TSPAN9: variants seen among roughly 807,000 people sequenced by gnomAD.
TSPAN9 encodes the protein tetraspanin-9.
TSPAN9 carries 16 observed loss-of-function variants against 31.0 expected under a neutral mutation model. The ratio of observed to expected loss-of-function variants is 0.52; its 90% CI spans 0.35 to 0.78. TSPAN9 has a LOEUF of 0.78. Among genes scored for constraint, TSPAN9 ranks in the 30% least tolerant of loss-of-function variants. TSPAN9 has a pLI of 0.01. For synonymous variants in TSPAN9, 145 were observed against 121.6 expected (o/e 1.19, Z -1.27); for missense variants, 272 against 312.5 (o/e 0.87, Z 0.98).
In TSPAN9 at chr12:3,147,601, G is replaced by T. The variant is rs1308025209; in HGVS notation, c.-17-53576G>T. Among the ~76,000 whole-genome samples the T allele has an allele frequency of 4.6e-5, 7 of 152,200 alleles. No homozygotes were observed. Among genetic ancestry groups the T allele is most frequent in the Admixed American group, 4.6e-4 (7 of 15,280 alleles). On this transcript the variant is annotated intron_variant, in intron 2 of 8. Coordinates refer to ENST00000011898, the MANE Select transcript of TSPAN9 (RefSeq NM_006675.5). This position sits in a 1 kb window ranked among gnomAD's most constrained non-coding sequence, Gnocchi z 4.3. Reference sequence around the variant, plus strand: ...AGTGCTGCAACGATGGAAGTGTTCTGTTCTGTACCGCCCAGTACAGTAGCC... The same window carrying T: ...AGTGCTGCAACGATGGAAGTGTTCTTTTCTGTACCGCCCAGTACAGTAGCC...
intron 2 of TSPAN9, among the ~76,000 whole-genome samples, chr12:3,138,632 CAA>C (rs11295678): frequency 6.7e-6 from 1 of 149,840 alleles, no homozygotes; most frequent in Non-Finnish European, 1.5e-5. Context: ...ATCCGCCATA[CAA>C]AAAAAAAAAA....
intron 2 of TSPAN9, among the ~76,000 whole-genome samples, chr12:3,086,438 T>C (rs1169824847): frequency 1.3e-5 from 2 of 152,168 alleles, no homozygotes; most frequent in Non-Finnish European, 2.9e-5. Context: ...TGGCTGGAAA[T>C]TGATGATACT....
intron 2 of TSPAN9, among the ~76,000 whole-genome samples, chr12:3,089,568 T>G (rs192461254): frequency 3.9e-4 from 59 of 152,142 alleles, no homozygotes; most frequent in African/African-American, 1.4e-3. Flanking sequence ...GTGCTGGGAT[T>G]ACAGGTGTGA....
At chr12:3,243,641 G>T (rs531466751) in intron 3 of TSPAN9, among the ~76,000 whole-genome samples, 1 of 152,166 alleles carries the variant, frequency 6.6e-6, no homozygotes, top group African/African-American at 2.4e-5. Flanking sequence ...CCAGGCATCG[G>T]CCCTCCTGCT....
intron 2 of TSPAN9, among the ~76,000 whole-genome samples, chr12:3,113,864 C>T: frequency 6.6e-6 from 1 of 152,240 alleles, no homozygotes; most frequent in Non-Finnish European, 1.5e-5. Context: ...GAGGCAAGTC[C>T]TTCTGCAGGG....
At chr12:3,274,120 C>T (rs1157169349) in intron 3 of TSPAN9, among the ~76,000 whole-genome samples, 7 of 152,166 alleles carry the variant, frequency 4.6e-5, no homozygotes, top group Admixed American at 2.0e-4. Context: ...CTGTGCACTG[C>T]GGGGTGTTTG....
chr12:3,186,785 CCT>C (rs2098361659), intron 2 of TSPAN9, among the ~76,000 whole-genome samples: 1 of 152,152 alleles, frequency 6.6e-6, no homozygotes, highest in Non-Finnish European at 1.5e-5. Context: ...ACTCGTCCAG[CCT>C]CTGTTTCTAT....
chr12:3,275,517 C>T (rs1277941616), intron 3 of TSPAN9, among the ~76,000 whole-genome samples: 1 of 152,272 alleles, frequency 6.6e-6, no homozygotes, highest in Non-Finnish European at 1.5e-5. Context: ...AAAATTGAGA[C>T]GGCAGCATAG....
chr12:3,112,987 GT>G (rs1235166704), intron 2 of TSPAN9, among the ~76,000 whole-genome samples: 1 of 152,092 alleles, frequency 6.6e-6, no homozygotes, highest in African/African-American at 2.4e-5. Context: ...TGCCCAGCCT[GT>G]TTCCAGAAAT....
intron 2 of TSPAN9, among the ~76,000 whole-genome samples, chr12:3,186,142 G>T (rs1009760382): frequency 4.6e-5 from 7 of 152,182 alleles, no homozygotes; most frequent in Non-Finnish European, 5.9e-5. Context: ...CTAACTACAG[G>T]GCTCCCTCAC....
intron 2 of TSPAN9, among the ~76,000 whole-genome samples, chr12:3,140,229 C>T (rs968242429): frequency 1.3e-5 from 2 of 152,098 alleles, no homozygotes; most frequent in South Asian, 4.1e-4. Context: ...CTGGCCCTGA[C>T]ATTTTATGTT....
At chr12:3,139,901 G>C (rs1235860921) in intron 2 of TSPAN9, among the ~76,000 whole-genome samples, 1 of 152,186 alleles carries the variant, frequency 6.6e-6, no homozygotes, top group East Asian at 1.9e-4. Flanking sequence ...CCCTGCAGCT[G>C]ACCGTCAGGG....
At chr12:3,226,974 C>G (rs2098388169) in intron 3 of TSPAN9, among the ~76,000 whole-genome samples, 1 of 149,256 alleles carries the variant, frequency 6.7e-6, no homozygotes, top group South Asian at 2.2e-4. Context: ...TAGAGAGAGG[C>G]CAGGTTATCC....
intron 2 of TSPAN9, among the ~76,000 whole-genome samples, chr12:3,164,759 C>T (rs942071581): frequency 5.3e-5 from 8 of 152,182 alleles, no homozygotes; most frequent in East Asian, 1.9e-4. Flanking sequence ...TGAGCCTTCT[C>T]GGTATAGCAC....
chr12:3,171,576 C>T (rs4766058), intron 2 of TSPAN9: 145,152 of 152,302 alleles, frequency 0.95, 69,550 homozygotes, highest in East Asian at 1. Flanking sequence ...ATAAGATAAT[C>T]GAGTACTTGG....
intron 2 of TSPAN9, among the ~76,000 whole-genome samples, chr12:3,162,088 C>T (rs879672056): frequency 5.3e-5 from 8 of 152,018 alleles, no homozygotes; most frequent in East Asian, 3.9e-4. Flanking sequence ...TCCTCCCTGG[C>T]GAGTGAGTAC....
intron 2 of TSPAN9, among the ~76,000 whole-genome samples, chr12:3,133,271 G>C (rs952964462): frequency 6.6e-6 from 1 of 152,078 alleles, no homozygotes; most frequent in Non-Finnish European, 1.5e-5. Flanking sequence ...GCTCTGTCCC[G>C]GGAGGCCTGG....
At chr12:3,253,964 G>A (rs1862301086) in intron 3 of TSPAN9, among the ~76,000 whole-genome samples, 1 of 152,240 alleles carries the variant, frequency 6.6e-6, no homozygotes, top group Non-Finnish European at 1.5e-5. Flanking sequence ...AAATGCTCAG[G>A]TGATTCTGAT....
rs1056836810 is a variant in TSPAN9 at position 3,278,504 on chromosome 12, T to C, written c.147T>C (p.Pro49=). 2.5e-6 allele frequency: 4 copies of C among 1,614,112 alleles called. No homozygotes were observed. Among genetic ancestry groups the C allele is most frequent in the Non-Finnish European group, 2.5e-6 (3 of 1,180,032 alleles). ...GNFATFSPSF[P]SLSAANLVIA... ...TTGCCACCTTCTCCCCCAGCTTCCC[T>C]TCGTTGTCTGCAGCCAACCTGGTCA... Residue 49 remains proline (P), a synonymous_variant, in exon 4 of 9, where the codon CCT becomes CCC. Coordinates refer to ENST00000011898, the MANE Select transcript of TSPAN9 (RefSeq NM_006675.5).
Sources: allele counts gnomAD v4.1 joint callset (sites outside exome capture counted in the v4.1 genomes callset), GRCh38; gene constraint gnomAD v4.1.1; non-coding constraint Gnocchi (gnomAD v3.1); transcripts MANE v1.5; gene names NCBI Gene and HGNC (gene_info 2026-07-23, HGNC 2026-07-21).